Variants in METTL21A observed in about 807,000 individuals in gnomAD.
The protein encoded by METTL21A is protein N-lysine methyltransferase METTL21A.
Under a neutral mutation model 20.9 loss-of-function variants are expected in METTL21A, and 22 were observed. That is an observed-to-expected ratio of 1.05 (90% CI 0.75 to 1.50). METTL21A has a LOEUF of 1.50. Among genes scored for constraint, METTL21A ranks in the 40% most tolerant of loss-of-function variants. METTL21A has a pLI of 0.00. For synonymous variants in METTL21A, 93 were observed against 102.0 expected (o/e 0.91, Z 0.53); for missense variants, 271 against 266.8 (o/e 1.02, Z -0.11).
At chr2:207,613,384 G>C (rs1575117665) in exon 4 of METTL21A, 3 of 1,609,476 alleles carry the variant, frequency 1.9e-6, no homozygotes, top group African/African-American at 1.3e-5. Flanking sequence ...AAGTTGGCTT[G>C]AACGTTTGAT....
At chr2:207,590,082 A>ATTTTTTTTTTTTTTTT (rs1201693112) in intron 3 of METTL21A, among the ~76,000 whole-genome samples, 1 of 95,562 alleles carries the variant, frequency 1.0e-5, no homozygotes, top group Non-Finnish European at 1.9e-5. Context: ...TATTTTGAGA[A>ATTTTTTTTTTTTTTTT]GTTTTTTTTT....
chr2:207,613,479 T>A, intron 3 of METTL21A, 36 bp from the exon 4 acceptor site: 1 of 1,520,912 alleles, frequency 6.6e-7, no homozygotes, highest in Non-Finnish European at 8.7e-7. Flanking sequence ...GATGTGTACA[T>A]CAGTACAATT....
intron 2 of METTL21A, among the ~76,000 whole-genome samples, chr2:207,622,137 G>T (rs182651900): frequency 1.3e-5 from 2 of 151,810 alleles, no homozygotes; most frequent in South Asian, 2.1e-4. Context: ...ACTAAATGGG[G>T]TCCTGCTGGA....
intron 3 of METTL21A, among the ~76,000 whole-genome samples, chr2:207,621,457 T>C (rs768743522): frequency 1.3e-5 from 2 of 152,136 alleles, no homozygotes; most frequent in Non-Finnish European, 2.9e-5. Flanking sequence ...CCCCTGAATG[T>C]GAAAAAAACT....
At chr2:207,603,242 A>G (rs1044797767) in intron 3 of METTL21A, 6 of 219,276 alleles carry the variant, frequency 2.7e-5, no homozygotes, top group Non-Finnish European at 5.5e-5. Flanking sequence ...TATTAACACT[A>G]TGTACATAAT....
At chr2:207,598,131 TAAC>T (rs1462016454) in intron 3 of METTL21A, 1 of 180,550 alleles carries the variant, frequency 5.5e-6, no homozygotes, top group Non-Finnish European at 1.2e-5. Flanking sequence ...TTTTCCATAT[TAAC>T]AATTTAACAG....
At position 207,617,111 on chromosome 2, in the gene METTL21A, A is replaced by G. The variant is rs1028332945; in HGVS notation, c.260-3668T>C. On this transcript the variant is annotated intron_variant, in intron 3 of 3. Coordinates refer to ENST00000406927, the Ensembl canonical transcript of METTL21A. ...AATAGGACAACACAGTATGCTGTCCATTAGTAATGGGAAAAGAATGTATAA... is the reference window on the plus strand; with the variant it reads ...AATAGGACAACACAGTATGCTGTCCGTTAGTAATGGGAAAAGAATGTATAA... Among the ~76,000 whole-genome samples the G allele has an allele frequency of 7.7e-4, 117 of 152,352 alleles. 1 individual carries two copies. Among genetic ancestry groups the G allele is most frequent in the Non-Finnish European group, 2.9e-4 (20 of 68,032 alleles).
rs182644988 is a variant in METTL21A, at chr2:207,586,654, C to G, written c.260-4494G>C. ...ATGGGAGGAATATTTACAAACTGTT[C>G]ATCTGACAAGGGACTGATAACCAGG... is the stretch of plus-strand genomic sequence containing the variant. On this transcript the variant is annotated intron_variant, in intron 3 of 3. Coordinates refer to the METTL21A transcript ENST00000425132. Among the ~76,000 whole-genome samples the G allele has an allele frequency of 1.3e-3, 199 of 152,280 alleles. 3 individuals are homozygous for G. Among genetic ancestry groups the G allele is most frequent in the Non-Finnish European group, 1.2e-4 (8 of 68,014 alleles).
intron 3 of METTL21A, among the ~76,000 whole-genome samples, chr2:207,594,034 C>A (rs1351589992): frequency 1.3e-5 from 2 of 152,080 alleles, no homozygotes; most frequent in Non-Finnish European, 2.9e-5. Flanking sequence ...CCTCACAAAC[C>A]TTTTGAGGTA....
chr2:207,621,925 A>C lies in METTL21A; in HGVS notation c.148-8T>G. Reference sequence around the variant, plus strand: ...TGTGGAAAGAACGATGGCCTGAATGAAAACACAGTGTGATGACGATTAAGG... The same window carrying C: ...TGTGGAAAGAACGATGGCCTGAATGCAAACACAGTGTGATGACGATTAAGG... On this transcript the variant is annotated splice_polypyrimidine_tract_variant and splice_region_variant and intron_variant, in intron 2 of 3. Coordinates refer to ENST00000406927, the Ensembl canonical transcript of METTL21A. 1 of 1,612,038 alleles carries C rather than the reference A, an allele frequency of 6.2e-7. No homozygotes were observed. Among genetic ancestry groups the C allele is most frequent in the Non-Finnish European group, 8.5e-7 (1 of 1,178,162 alleles).
At chr2:207,625,272 G>A (rs2090996429) in exon 1 of METTL21A, 3 of 152,134 alleles carry the variant, frequency 2.0e-5, no homozygotes, top group South Asian at 4.1e-4. Context: ...TACGGCCCGG[G>A]AGGCGGTCCC....
intron 3 of METTL21A, chr2:207,599,868 C>T (rs2086744090): frequency 1.0e-5 from 2 of 195,044 alleles, no homozygotes; most frequent in Non-Finnish European, 2.1e-5. Context: ...ATAAAAATGT[C>T]ATCATAGGAA....
chr2:207,593,259 C>T (rs2085434046), intron 3 of METTL21A, among the ~76,000 whole-genome samples: 1 of 152,190 alleles, frequency 6.6e-6, no homozygotes, highest in Non-Finnish European at 1.5e-5. Context: ...GGTGCGGTGG[C>T]TCATGCCTGT....
chr2:207,590,768 AC>A (rs1432470964), intron 3 of METTL21A, among the ~76,000 whole-genome samples: 1 of 152,130 alleles, frequency 6.6e-6, no homozygotes, highest in Non-Finnish European at 1.5e-5. Flanking sequence ...TTCCAGTAAA[AC>A]TTTATTTACA....
At chr2:207,621,782 A>G in intron 3 of METTL21A, 24 bp downstream of exon 3, 1 of 1,585,474 alleles carries the variant, frequency 6.3e-7, no homozygotes, top group Non-Finnish European at 8.7e-7. Context: ...TCTGCTCACT[A>G]AGGAGTCAAT....
At chr2:207,584,648 C>T (rs1165610801) in intron 3 of METTL21A, among the ~76,000 whole-genome samples, 1 of 152,166 alleles carries the variant, frequency 6.6e-6, no homozygotes, top group Non-Finnish European at 1.5e-5. Context: ...ATGATCCACC[C>T]ACCTCGGCCT....
At chr2:207,599,208 C>T (rs537522286) in intron 3 of METTL21A, 32 of 197,756 alleles carry the variant, frequency 1.6e-4, no homozygotes, top group East Asian at 3.2e-4. Context: ...TCCTGCTGAG[C>T]TAATGGGGAA....
intron 3 of METTL21A, among the ~76,000 whole-genome samples, chr2:207,591,091 G>A (rs2084946178): frequency 6.6e-6 from 1 of 152,106 alleles, no homozygotes. Flanking sequence ...AAATTATCAA[G>A]TATCATATCA....
At chr2:207,601,907 A>G in intron 3 of METTL21A, 1 of 213,334 alleles carries the variant, frequency 4.7e-6, no homozygotes, top group Non-Finnish European at 9.5e-6. Flanking sequence ...AATAATGTTG[A>G]CTATTAAGTT....
Sources: allele counts gnomAD v4.1 joint callset (sites outside exome capture counted in the v4.1 genomes callset), GRCh38; gene constraint gnomAD v4.1.1; transcripts MANE v1.5; gene names NCBI Gene and HGNC (gene_info 2026-07-23, HGNC 2026-07-21).